IVNS1ABP: variants seen among roughly 807,000 people sequenced by gnomAD.
IVNS1ABP encodes the protein influenza virus NS1A binding protein.
A neutral mutation model predicts 78.9 loss-of-function variants in IVNS1ABP; 25 were observed. That is an observed-to-expected ratio of 0.32 (90% confidence interval 0.23 to 0.44). IVNS1ABP has a LOEUF of 0.44. Among genes scored for constraint, IVNS1ABP ranks in the 20% least tolerant of loss-of-function variants. The pLI, the probability that IVNS1ABP is intolerant of heterozygous loss-of-function variation, is 1.00. For synonymous variants in IVNS1ABP, 241 were observed against 259.7 expected (o/e 0.93, Z 0.69); for missense variants, 494 against 768.9 (o/e 0.64, Z 4.23).
At chr1:185,300,862 T>C in intron 10 of IVNS1ABP, 110 bp downstream of exon 10, 1 of 795,654 alleles carries the variant, frequency 1.3e-6, no homozygotes, top group Non-Finnish European at 2.1e-6. Flanking sequence ...TATTTCCCTA[T>C]CTTATTGGAT....
chr1:185,309,837 C>A (rs1247190035), intron 2 of IVNS1ABP, among the ~76,000 whole-genome samples: 1 of 152,110 alleles, frequency 6.6e-6, no homozygotes, highest in African/African-American at 2.4e-5. Context: ...CTGCCCAAAC[C>A]CATATAATAA....
intron 1 of IVNS1ABP, 136 bp from the exon 2 acceptor site, chr1:185,311,458 TA>T (rs1665883363): frequency 8.9e-6 from 3 of 338,810 alleles, no homozygotes; most frequent in Non-Finnish European, 1.6e-5. Context: ...TCCCATTACA[TA>T]AAAAAAGAAC....
In IVNS1ABP at chr1:185,297,781, T is replaced by A; in HGVS notation, c.*254A>T. 1 of 482,226 alleles carries A rather than the reference T, an allele frequency of 2.1e-6. No individual in the cohort carries two copies. Among genetic ancestry groups the A allele is most frequent in the Non-Finnish European group, 3.7e-6 (1 of 272,600 alleles). 29.9% of individuals were successfully genotyped at this position (482,226 alleles called of 1,614,324 possible). A position where few individuals can be genotyped will look rare whatever the true frequency, so the allele number is the denominator to read the frequency against. On this transcript the variant is annotated 3_prime_UTR_variant, in exon 15 of 15. Coordinates refer to ENST00000367498, the MANE Select transcript of IVNS1ABP (RefSeq NM_006469.5). ...TTCTTGAAATGATGTGCCCAATCAA[T>A]TCTTGGTTTATTCTTTTCCAAAAAG...
intron 1 of IVNS1ABP, 127 bp downstream of exon 1, chr1:185,316,826 C>G (rs962655915): frequency 1.3e-5 from 5 of 394,004 alleles, no homozygotes; most frequent in African/African-American, 1.0e-4. Context: ...TTGGGGCTGC[C>G]TCCCCTGATG....
intron 8 of IVNS1ABP, among the ~76,000 whole-genome samples, chr1:185,303,505 G>A (rs1212263606): frequency 6.6e-6 from 1 of 151,762 alleles, no homozygotes; most frequent in Non-Finnish European, 1.5e-5. Flanking sequence ...CTCTATTCAT[G>A]GCATCACATT....
At position 185,313,608 on chromosome 1, in the gene IVNS1ABP, C is replaced by T. The variant is rs147140318; in HGVS notation, c.-246-2286G>A. On this transcript the variant is annotated intron_variant, in intron 1 of 14. Transcript: ENST00000367498. ...AGTTTTAAACTACTCCCCAAATTGA[C>T]GGGAGATCTTATTTGGTCTATAAAA... Among the ~76,000 whole-genome samples the T allele has an allele frequency of 2.3e-4, 35 of 152,120 alleles. 1 individual carries two copies. Among genetic ancestry groups the T allele is most frequent in the East Asian group, 9.7e-4 (5 of 5,180 alleles).
Position 185,308,037 on chromosome 1 carries a change from G to T in IVNS1ABP, c.358-375C>A, listed in dbSNP as rs41264598. 6.2e-3 allele frequency: 9,566 copies of T among 1,547,076 alleles called. 47 individuals are homozygous for T. Among genetic ancestry groups the T allele is most frequent in the Non-Finnish European group, 6.8e-3 (7,820 of 1,145,740 alleles). Reference sequence around the variant, plus strand: ...AAGATGCTGCAAACAATTTAATTTGGTTGGAGAAAAGATAACTAGGAAATA... The same window carrying T: ...AAGATGCTGCAAACAATTTAATTTGTTTGGAGAAAAGATAACTAGGAAATA... On this transcript the variant is annotated intron_variant, in intron 5 of 14. Transcript: ENST00000367498.
chr1:185,307,904 A>G (rs1032240650), intron 5 of IVNS1ABP: 26 of 1,520,346 alleles, frequency 1.7e-5, no homozygotes, highest in African/African-American at 7.0e-5. Context: ...GTAAGTTCAC[A>G]TAAGTATTTT....
chr1:185,313,067 C>G (rs548170340), intron 1 of IVNS1ABP, among the ~76,000 whole-genome samples: 1 of 151,980 alleles, frequency 6.6e-6, no homozygotes, highest in African/African-American at 2.4e-5. Flanking sequence ...TAAACTTGAT[C>G]TAACAAAAAA....
chr1:185,317,182 G>GCTCTGA lies in IVNS1ABP; in HGVS notation c.-477_-476insTCAGAG, dbSNP rs1666062071. On this transcript the variant is annotated 5_prime_UTR_variant, in exon 1 of 15. Coordinates refer to ENST00000367498, the MANE Select transcript of IVNS1ABP (RefSeq NM_006469.5). The stretch of plus-strand genomic sequence containing the variant: ...CCGATACAGCCGCGCCGAAGCAGCA[G>GCTCTGA]GCGGAGAAACTGCGCCCAGCAGCTC... The GCTCTGA allele has an allele frequency of 2.5e-6, 1 of 398,110 alleles. No individual in the cohort carries two copies. The highest frequency in any genetic ancestry group is 3.6e-5 in the East Asian group (1 of 28,050). 24.7% of individuals were successfully genotyped at this position (398,110 alleles called of 1,614,324 possible).
intron 2 of IVNS1ABP, among the ~76,000 whole-genome samples, chr1:185,310,179 T>G (rs1196858205): frequency 6.6e-6 from 1 of 152,260 alleles, no homozygotes. Context: ...ACTTATATTC[T>G]GTTCCTTTCT....
At chr1:185,308,057 GA>G in intron 5 of IVNS1ABP, 1 of 1,545,840 alleles carries the variant, frequency 6.5e-7, no homozygotes, top group Non-Finnish European at 8.7e-7. Flanking sequence ...AGATAACTAG[GA>G]AATAGTTTTG....
intron 3 of IVNS1ABP, 81 bp downstream of exon 3, chr1:185,309,302 G>T: frequency 8.1e-7 from 1 of 1,239,618 alleles, no homozygotes; most frequent in Non-Finnish European, 1.1e-6. Flanking sequence ...AAATGCCTAT[G>T]AAAAAGAAAT....
At chr1:185,307,244 T>A in intron 6 of IVNS1ABP, 105 bp from the exon 7 acceptor site, 4 of 1,346,242 alleles carry the variant, frequency 3.0e-6, no homozygotes, top group Non-Finnish European at 4.1e-6. Context: ...ATTCATTCCA[T>A]ACATTTACTC....
intron 14 of IVNS1ABP, 39 bp downstream of exon 14, chr1:185,299,671 C>T: frequency 6.3e-7 from 1 of 1,596,212 alleles, no homozygotes; most frequent in Non-Finnish European, 8.6e-7. Flanking sequence ...AAAGTCTTGC[C>T]ACTATCTACT....
intron 8 of IVNS1ABP, 84 bp from the exon 9 acceptor site, chr1:185,301,647 G>T: frequency 7.0e-7 from 1 of 1,432,450 alleles, no homozygotes; most frequent in Non-Finnish European, 9.7e-7. Flanking sequence ...CCACAACACT[G>T]AGTATCCTTC....
rs1665434113 is a variant in IVNS1ABP, at chr1:185,296,924, C to G, written c.*1111G>C. The stretch of plus-strand genomic sequence containing the variant: ...GGTGCAAGGATTTCCTGCAAAGTAC[C>G]TTTAATGTGTTTAAATCAGCAGCAA... On this transcript the variant is annotated 3_prime_UTR_variant, in exon 15 of 15. Transcript: ENST00000367498. 1 of 152,044 alleles carries G rather than the reference C, an allele frequency of 6.6e-6. No homozygotes were observed. The highest frequency in any genetic ancestry group is 2.1e-4 in the South Asian group (1 of 4,824). 9.4% of individuals were successfully genotyped at this position (152,044 alleles called of 1,614,324 possible). A position where few individuals can be genotyped will look rare whatever the true frequency, so the allele number is the denominator to read the frequency against.
At position 185,301,663 on chromosome 1, in the gene IVNS1ABP, T is replaced by C. The variant is rs1190512949; in HGVS notation, c.766-100A>G. On this transcript the variant is annotated intron_variant, in intron 8 of 14. Transcript: ENST00000367498. ...CACAACACTGAGTATCCTTCACCTATATATGACATTTATAGGACACTAACT... is the reference window on the plus strand; with the variant it reads ...CACAACACTGAGTATCCTTCACCTACATATGACATTTATAGGACACTAACT... 6.1e-6 allele frequency: 8 copies of C among 1,315,732 alleles called. No individual in the cohort carries two copies. The East Asian group carries it at 1.2e-4, about 19-fold the overall frequency. 81.5% of individuals were successfully genotyped at this position (1,315,732 alleles called of 1,614,324 possible).
intron 1 of IVNS1ABP, among the ~76,000 whole-genome samples, chr1:185,316,239 A>G (rs573582344): frequency 6.6e-6 from 1 of 152,198 alleles, no homozygotes; most frequent in South Asian, 2.1e-4. Context: ...CTGCGAGGCG[A>G]GGCCCCCAGC....
Sources: allele counts gnomAD v4.1 joint callset (sites outside exome capture counted in the v4.1 genomes callset), GRCh38; gene constraint gnomAD v4.1.1; transcripts MANE v1.5; gene names NCBI Gene and HGNC (gene_info 2026-07-23, HGNC 2026-07-21).